The following NDUFS2 variants were observed in gnomAD, a reference collection of about 807,000 sequenced individuals.
NDUFS2 encodes the protein NADH dehydrogenase [ubiquinone] iron-sulfur protein 2, mitochondrial.
A neutral mutation model predicts 69.6 loss-of-function variants in NDUFS2; 38 were observed. The observed-to-expected ratio is 0.55, with a 90% CI of 0.42 to 0.72. The LOEUF (loss-of-function observed/expected upper bound fraction) is 0.72. NDUFS2 is among the 30% of genes least tolerant of loss of function. The pLI is 0.00. For synonymous variants in NDUFS2, 194 were observed against 211.2 expected (o/e 0.92, Z 0.70); for missense variants, 468 against 595.0 (o/e 0.79, Z 2.22).
intron 2 of NDUFS2, 37 bp downstream of exon 2, chr1:161,203,580 T>G: frequency 6.7e-7 from 1 of 1,503,252 alleles, no homozygotes; most frequent in Non-Finnish European, 9.2e-7. Flanking sequence ...CCCACACCCA[T>G]CCCTGCCCCC....
At chr1:161,211,631 C>CA (rs1665772094) in intron 9 of NDUFS2, among the ~76,000 whole-genome samples, 1 of 152,146 alleles carries the variant, frequency 6.6e-6, no homozygotes, top group South Asian at 2.1e-4. Flanking sequence ...GCCTGGGCGA[C>CA]AGAGCGAGAC....
At chr1:161,205,077 A>T (rs1665387138) in intron 2 of NDUFS2, among the ~76,000 whole-genome samples, 1 of 152,022 alleles carries the variant, frequency 6.6e-6, no homozygotes, top group Non-Finnish European at 1.5e-5. Flanking sequence ...AAGGACACAC[A>T]GGCAGATTTG....
At chr1:161,198,880 C>T (rs1664990246), upstream of NDUFS2, 2 of 443,006 alleles carry the variant, frequency 4.5e-6, no homozygotes, top group African/African-American at 2.0e-5. This position sits in a 1 kb window ranked among gnomAD's most constrained non-coding sequence, Gnocchi z 4.7. Flanking sequence ...ATCTTTGTCT[C>T]TCCCTGCCTG....
In NDUFS2 at chr1:161,213,454, T is replaced by C. The variant is rs759904594; in HGVS notation, c.1191T>C (p.Tyr397=). 3 of 1,610,604 alleles carry C rather than the reference T, an allele frequency of 1.9e-6. No individual in the cohort carries two copies. The highest frequency in any genetic ancestry group is 1.7e-6 in the Non-Finnish European group (2 of 1,177,904). The change falls in exon 11 of 14, where the codon TAT becomes TAC. Residue 397 remains tyrosine, a synonymous_variant. Transcript: ENST00000676972. The stretch of plus-strand genomic sequence containing the variant: ...ACCAAGTTCCTCCAGGAGCCACATA[T>C]ACTGCCATTGAGGCTCCCAAGGTAA... ...EGYQVPPGAT[Y]TAIEAPKGEF...
chr1:161,213,284 T>A, intron 10 of NDUFS2, 96 bp from the exon 11 acceptor site: 1 of 782,872 alleles, frequency 1.3e-6, no homozygotes, highest in South Asian at 1.5e-5. Flanking sequence ...GTGGCTTTAG[T>A]CTCCCTGAGG....
chr1:161,213,795 T>A, intron 12 of NDUFS2, 63 bp downstream of exon 12: 1 of 1,611,564 alleles, frequency 6.2e-7, no homozygotes, highest in Non-Finnish European at 8.5e-7. Flanking sequence ...TTGAGGTTTT[T>A]ATGAACTCTT....
chr1:161,198,058 T>C, upstream of NDUFS2: 2 of 1,607,334 alleles, frequency 1.2e-6, no homozygotes, highest in Non-Finnish European at 1.7e-6. The surrounding 1 kb of genome is among the most constrained non-coding windows in gnomAD (Gnocchi z 4.7). Flanking sequence ...ACATGGGACC[T>C]TGACCGCTGG....
rs779659735 is a variant in NDUFS2, at chr1:161,202,374, A to C, written c.-12A>C. The C allele has an allele frequency of 1.9e-5, 30 of 1,608,706 alleles. 1 individual carries two copies. The highest frequency in any genetic ancestry group is 3.3e-4 in the Middle Eastern group (2 of 6,052). On this transcript the variant is annotated 5_prime_UTR_variant, in exon 1 of 14. Coordinates refer to ENST00000676972, the MANE Select transcript of NDUFS2 (RefSeq NM_001377299.1). ...CCCGGTTCTCCTTCCCGCAGTCTGC[A>C]GCCGGAGTAAGATGGCGGCGCTGAG...
upstream of NDUFS2, chr1:161,202,063 C>T (rs1410858712): frequency 2.2e-6 from 1 of 449,912 alleles, no homozygotes; most frequent in Non-Finnish European, 4.1e-6. Context: ...CCGCGCGTTT[C>T]CAAGATACGC....
At position 161,213,472 on chromosome 1, in the gene NDUFS2, C is replaced by T. The variant is rs763908014; in HGVS notation, c.1209C>T (p.Pro403=). 2 of 1,608,362 alleles carry T rather than the reference C, an allele frequency of 1.2e-6. No individual in the cohort carries two copies. Among genetic ancestry groups the T allele is most frequent in the Non-Finnish European group, 1.7e-6 (2 of 1,176,172 alleles). ...CCACATATACTGCCATTGAGGCTCC[C>T]AAGGTAAGGAGAGGAGGGGAAGGAA... ...PGATYTAIEA[P]KGEFGVYLVS... Residue 403 remains proline (P), a synonymous_variant, in exon 11 of 14, where the codon CCC becomes CCT. Transcript: ENST00000676972.
chr1:161,210,029 A>G (rs1405462677), intron 6 of NDUFS2, 82 bp from the exon 7 acceptor site: 1 of 1,590,464 alleles, frequency 6.3e-7, no homozygotes, highest in Non-Finnish European at 8.6e-7. Flanking sequence ...CCAAACCTGT[A>G]TCGCTGGGGG....
rs1291647951 is a variant in NDUFS2 at position 161,212,195 on chromosome 1, T to A, written c.987-156T>A. 1.3e-5 allele frequency among the ~76,000 whole-genome samples: 2 copies of A among 149,546 alleles called. 1 individual carries two copies. The highest frequency in any genetic ancestry group is 4.2e-4 in the South Asian group (2 of 4,734). On this transcript the variant is annotated intron_variant, in intron 9 of 13. Transcript: ENST00000676972. Reference sequence around the variant, plus strand: ...GAAAAAAAAAAAAAGACTACAGGGTTTATATGGGTGGCCAAGCCAAGCAGA... The same window carrying A: ...GAAAAAAAAAAAAAGACTACAGGGTATATATGGGTGGCCAAGCCAAGCAGA...
chr1:161,214,269 CTGTGTGTGTGTGTGTGTG>C lies in NDUFS2; in HGVS notation c.*90_*107del. On this transcript the variant is annotated 3_prime_UTR_variant, in exon 14 of 14. Transcript: ENST00000676972. ...CCTGTTCCTCACTGGAAATTGGCCTCTGTGTGTGTGTGTGTGTGTGTGTGTGTGTGTATGTTCATGTAC... is the reference window on the plus strand; with the variant it reads ...CCTGTTCCTCACTGGAAATTGGCCTCTGTGTGTGTGTGTATGTTCATGTAC... 5 of 895,556 alleles carry C rather than the reference CTGTGTGTGTGTGTGTGTG, an allele frequency of 5.6e-6. No homozygotes were observed. The highest frequency in any genetic ancestry group is 1.4e-5 in the South Asian group (1 of 70,684). The allele number at this position is 895,556 out of a possible 1,614,324, so 55.5% of individuals were successfully genotyped here.
At chr1:161,203,289 A>C in intron 1 of NDUFS2, 148 bp from the exon 2 acceptor site, 1 of 701,626 alleles carries the variant, frequency 1.4e-6, no homozygotes, top group Non-Finnish European at 2.5e-6. Flanking sequence ...ATGGGCAACA[A>C]GAGTGAAACC....
chr1:161,199,366 T>G (rs1260707235), upstream of NDUFS2: 2 of 152,362 alleles, frequency 1.3e-5, no homozygotes, highest in Non-Finnish European at 2.9e-5. Context: ...CATGCACAGA[T>G]AGGATCACGG....
At chr1:161,212,297 C>G in intron 9 of NDUFS2, 54 bp from the exon 10 acceptor site, 1 of 1,610,738 alleles carries the variant, frequency 6.2e-7, no homozygotes, top group African/African-American at 1.3e-5. Context: ...TCCTTCCTAG[C>G]CCCATACCTG....
intron 3 of NDUFS2, 82 bp downstream of exon 3, chr1:161,206,679 C>A: frequency 6.9e-7 from 1 of 1,442,054 alleles, no homozygotes; most frequent in South Asian, 1.2e-5. Context: ...GCCCTTAAAA[C>A]GTGAGGGGAG....
rs150317984 is a variant in NDUFS2, at chr1:161,211,316, C to T, written c.986+606C>T. On this transcript the variant is annotated intron_variant, in intron 9 of 13. Coordinates refer to ENST00000676972, the MANE Select transcript of NDUFS2 (RefSeq NM_001377299.1). Reference sequence around the variant, plus strand: ...CAGGAGTGGTCGAGACTAGAATCCTCCTGATCCAGTGTTCTTTCTAGTAGA... The same window carrying T: ...CAGGAGTGGTCGAGACTAGAATCCTTCTGATCCAGTGTTCTTTCTAGTAGA... Among the ~76,000 whole-genome samples, 443 of 152,298 alleles carry T rather than the reference C, an allele frequency of 2.9e-3. 2 individuals carry two copies. In the Middle Eastern group the frequency reaches 0.034, roughly 12 times the overall value.
At chr1:161,212,502 A>C (rs759813227) in intron 10 of NDUFS2, 22 bp downstream of exon 10, 1 of 1,607,292 alleles carries the variant, frequency 6.2e-7, no homozygotes, top group East Asian at 2.2e-5. Context: ...GGAGGGGGAA[A>C]GTGTGGGGTG....
Sources: allele counts gnomAD v4.1 joint callset (sites outside exome capture counted in the v4.1 genomes callset), GRCh38; gene constraint gnomAD v4.1.1; non-coding constraint Gnocchi (gnomAD v3.1); transcripts MANE v1.5; gene names NCBI Gene and HGNC (gene_info 2026-07-23, HGNC 2026-07-21).